Variants in L1TD1 observed in about 807,000 individuals in gnomAD.
L1TD1 encodes LINE-1 type transposase domain-containing protein 1.
Under a neutral mutation model 25.7 loss-of-function variants are expected in L1TD1, and 26 were observed. The ratio of observed to expected loss-of-function variants is 1.01; its 90% CI spans 0.74 to 1.40. L1TD1 has a LOEUF of 1.40. Ranked by LOEUF, L1TD1 falls within the 40% of genes most tolerant of loss-of-function variation. L1TD1 has a pLI of 0.00. For missense variants in L1TD1, 1,130 were observed against 975.0 expected (o/e 1.16, Z -2.12); for synonymous variants, 421 against 335.6 (o/e 1.25, Z -2.78).
In L1TD1 at chr1:62,212,017, G is replaced by C. The variant is rs929417360; in HGVS notation, c.*645G>C. On this transcript the variant is annotated 3_prime_UTR_variant, in exon 4 of 4. Coordinates refer to ENST00000498273, the MANE Select transcript of L1TD1 (RefSeq NM_019079.5). ...CTAAGAATAAACTTCTATACTGTTG[G>C]GGGAGGGCTGCACCTGTCAAGATAA... 16 of 152,330 alleles carry C rather than the reference G, an allele frequency of 1.1e-4. No homozygotes were observed. Among genetic ancestry groups the C allele is most frequent in the Admixed American group, 3.3e-4 (5 of 15,280 alleles). The allele number at this position is 152,330 out of a possible 1,614,324, so 9.4% of individuals were successfully genotyped here.
At position 62,211,307 on chromosome 1, in the gene L1TD1, G is replaced by GAAT; in HGVS notation, c.2534_2536dup (p.Glu845_Phe846insTer). On this transcript the variant is annotated stop_gained and inframe_insertion, in exon 4 of 4. Coordinates refer to ENST00000498273, the MANE Select transcript of L1TD1 (RefSeq NM_019079.5). LOFTEE classifies it low-confidence loss of function (END_TRUNC). The stretch of plus-strand genomic sequence containing the variant: ...AACAAAGGTATTTCTTAGTATTGAA[G>GAAT]AATTTAGAGATTATGTTTTGCATAT... 6.2e-7 allele frequency: 1 copy of GAAT among 1,613,418 alleles called. No homozygotes were observed. Among genetic ancestry groups the GAAT allele is most frequent in the Non-Finnish European group, 8.5e-7 (1 of 1,179,772 alleles).
rs1386246829 is a variant in L1TD1 at position 62,211,038 on chromosome 1, T to C, written c.2264T>C (p.Leu755Pro). ...RVPSKIDEKRLTPRHILVKFW... is the reference protein window; with the variant it reads ...RVPSKIDEKRPTPRHILVKFW... ...CCTAGTAAAATTGATGAAAAGAGAC[T>C]GACTCCTAGACACATCTTGGTGAAA... Residue 755 changes from leucine to proline, a missense_variant, in exon 4 of 4, where the codon CTG (leucine) becomes CCG (proline). Physicochemically the swap from Leu to Pro is moderately conservative, Grantham distance 98. Coordinates refer to ENST00000498273, the MANE Select transcript of L1TD1 (RefSeq NM_019079.5). 2 of 1,549,566 alleles carry C rather than the reference T, an allele frequency of 1.3e-6. No homozygotes were observed. The highest frequency in any genetic ancestry group is 1.7e-6 in the Non-Finnish European group (2 of 1,146,610).
chr1:62,205,735 ATAT>A (rs954400763), intron 2 of L1TD1, among the ~76,000 whole-genome samples: 2 of 151,508 alleles, frequency 1.3e-5, no homozygotes, highest in Non-Finnish European at 2.9e-5. Context: ...CTGCCTAACA[ATAT>A]TATTCTGTTG....
intron 2 of L1TD1, among the ~76,000 whole-genome samples, chr1:62,198,367 A>G (rs1471470303): frequency 2.6e-5 from 4 of 151,784 alleles, no homozygotes; most frequent in African/African-American, 9.7e-5. Context: ...ACGTTGTGAG[A>G]GATACCACAC....
intron 3 of L1TD1, among the ~76,000 whole-genome samples, 161 bp downstream of exon 3, chr1:62,207,797 C>T (rs372358179): frequency 6.6e-6 from 1 of 152,312 alleles, no homozygotes; most frequent in South Asian, 2.1e-4. Context: ...GCTACAACCT[C>T]TGCCTCCCAG....
intron 2 of L1TD1, among the ~76,000 whole-genome samples, chr1:62,205,810 C>A (rs1670734499): frequency 6.6e-6 from 1 of 152,064 alleles, no homozygotes; most frequent in Admixed American, 6.6e-5. Context: ...CAGCTCACTG[C>A]AGTCTTAACT....
chr1:62,204,541 CT>C (rs1411382928), intron 2 of L1TD1, among the ~76,000 whole-genome samples: 4 of 151,722 alleles, frequency 2.6e-5, no homozygotes, highest in Admixed American at 2.6e-4. Context: ...ATCCTTTTTC[CT>C]GATTCAATTT....
chr1:62,207,477 A>G lies in L1TD1; in HGVS notation c.849A>G (p.Ala283=), dbSNP rs1670774317. 1 of 1,551,364 alleles carries G rather than the reference A, an allele frequency of 6.4e-7. No homozygotes were observed. Among genetic ancestry groups the G allele is most frequent in the Non-Finnish European group, 8.7e-7 (1 of 1,146,866 alleles). The change falls in exon 3 of 4, where the codon GCA becomes GCG. Residue 283 remains alanine, a synonymous_variant. Transcript: ENST00000498273. ...AATTTCTGTGTGAAGTTAAATTAGC[A>G]TTTAAATGTGATGGTGAAATAAAGA... The part of the protein sequence containing the change: ...EPKFLCEVKL[A]FKCDGEIKTF...
At chr1:62,207,675 T>A in intron 3 of L1TD1, 39 bp downstream of exon 3, 1 of 1,462,040 alleles carries the variant, frequency 6.8e-7, no homozygotes, top group Non-Finnish European at 9.0e-7. Flanking sequence ...AGCTTATGTA[T>A]AAATGTAATA....
chr1:62,207,820 C>G (rs1420690749), intron 3 of L1TD1, among the ~76,000 whole-genome samples, 184 bp downstream of exon 3: 1 of 152,168 alleles, frequency 6.6e-6, no homozygotes, highest in Non-Finnish European at 1.5e-5. Flanking sequence ...TCAAGTGATT[C>G]TCCTGCCTTG....
rs1338621576 is a variant in L1TD1 at position 62,207,644 on chromosome 1, T to C, written c.1008+8T>C. On this transcript the variant is annotated splice_region_variant and intron_variant, in intron 3 of 3. Transcript: ENST00000498273. The stretch of plus-strand genomic sequence containing the variant: ...GGAATTCAAGAAAAAAGGGTAAGCA[T>C]ACAAATGTATAAATGTATAAAGCTT... 2 of 1,516,566 alleles carry C rather than the reference T, an allele frequency of 1.3e-6. No homozygotes were observed. Among genetic ancestry groups the C allele is most frequent in the Non-Finnish European group, 1.8e-6 (2 of 1,133,006 alleles). 93.9% of individuals were successfully genotyped at this position (1,516,566 alleles called of 1,614,324 possible).
chr1:62,207,335 T>C lies in L1TD1; in HGVS notation c.707T>C (p.Leu236Ser). The C allele has an allele frequency of 6.4e-7, 1 of 1,551,320 alleles. No homozygotes were observed. Among genetic ancestry groups the C allele is most frequent in the Non-Finnish European group, 8.7e-7 (1 of 1,146,844 alleles). Reference sequence around the variant, plus strand: ...AAAGCCTCCAGAGAAGAAAAAGTGTTGATGGATGAAGGAGCAGTACTTACC... The same window carrying C: ...AAAGCCTCCAGAGAAGAAAAAGTGTCGATGGATGAAGGAGCAGTACTTACC... Reference protein sequence around the residue: ...VLKASREEKVLMDEGAVLTLV... With the variant: ...VLKASREEKVSMDEGAVLTLV... The change falls in exon 3 of 4, where the codon TTG becomes TCG. Residue 236 changes from leucine to serine, a missense_variant. Transcript: ENST00000498273.
intron 2 of L1TD1, among the ~76,000 whole-genome samples, chr1:62,199,792 C>T (rs931003872): frequency 1.3e-5 from 2 of 152,100 alleles, no homozygotes; most frequent in Non-Finnish European, 2.9e-5. Flanking sequence ...AGGGCACTGG[C>T]CAGATTAATT....
At chr1:62,195,927 C>G (rs888685318) in intron 1 of L1TD1, among the ~76,000 whole-genome samples, 5 of 151,776 alleles carry the variant, frequency 3.3e-5, no homozygotes, top group Admixed American at 3.3e-4. Context: ...GTCCCAGCTA[C>G]TAGGGAGGCC....
At position 62,196,496 on chromosome 1, in the gene L1TD1, A is replaced by G. The variant is rs1670542669; in HGVS notation, c.-143A>G. 1 of 152,070 alleles carries G rather than the reference A, an allele frequency of 6.6e-6. No homozygotes were observed. Among genetic ancestry groups the G allele is most frequent in the Non-Finnish European group, 1.5e-5 (1 of 68,020 alleles). The allele number at this position is 152,070 out of a possible 1,614,324, so 9.4% of individuals were successfully genotyped here. On this transcript the variant is annotated 5_prime_UTR_variant, in exon 2 of 4. Transcript: ENST00000498273. The stretch of plus-strand genomic sequence containing the variant: ...CTCTGCGGAGTTCGTCTTCCCAGCG[A>G]AGGTACAGAGGCGGATGAACTGCTG...
chr1:62,210,420 CCT>C lies in L1TD1; in HGVS notation c.1647_1648del (p.Cys550SerfsTer17). 1 of 1,614,032 alleles carries C rather than the reference CCT, an allele frequency of 6.2e-7. No homozygotes were observed. The highest frequency in any genetic ancestry group is 1.7e-5 in the Admixed American group (1 of 59,996). On this transcript the variant is annotated frameshift_variant, in exon 4 of 4. Coordinates refer to ENST00000498273, the MANE Select transcript of L1TD1 (RefSeq NM_019079.5). LOFTEE classifies it low-confidence loss of function (END_TRUNC). The stretch of plus-strand genomic sequence containing the variant: ...CCCACAAGTCAAGGAACTGGCACAC[CCT>C]GTCTGACCTTATGTTTGGCCTCTCC...
At chr1:62,205,371 CTTTCTCTCTCTCTCTCTT>C (rs1670715837) in intron 2 of L1TD1, among the ~76,000 whole-genome samples, 2 of 97,044 alleles carry the variant, frequency 2.1e-5, no homozygotes, top group African/African-American at 7.5e-5. Context: ...CGAAAACTCT[CTTTCTCTCTCTCTCTCTT>C]TCTCTCTCTC....
chr1:62,210,155 A>T lies in L1TD1; in HGVS notation c.1381A>T (p.Thr461Ser). Residue 461 changes from threonine to serine, a missense_variant, in exon 4 of 4, where the codon ACC becomes TCC. Thr to Ser is a moderately conservative substitution (Grantham distance 58). Transcript: ENST00000498273. The part of the protein sequence containing the change: ...LVDAKHEVEI[T>S]SDGMETTFID... Reference sequence around the variant, plus strand: ...AGATGCAAAGCATGAAGTTGAGATAACCAGTGATGGCATGGAAACTACTTT... The same window carrying T: ...AGATGCAAAGCATGAAGTTGAGATATCCAGTGATGGCATGGAAACTACTTT... 2 of 1,614,124 alleles carry T rather than the reference A, an allele frequency of 1.2e-6. No individual in the cohort carries two copies. Among genetic ancestry groups the T allele is most frequent in the Non-Finnish European group, 1.7e-6 (2 of 1,180,032 alleles).
rs1004284742 is a variant in L1TD1 at position 62,210,142 on chromosome 1, T to A, written c.1368T>A (p.His456Gln). ...FQGHTLVDAK[H>Q]EVEITSDGME... ...GTCATACTTTGGTAGATGCAAAGCA[T>A]GAAGTTGAGATAACCAGTGATGGCA... The change falls in exon 4 of 4, where the codon CAT becomes CAA. Residue 456 changes from histidine (H) to glutamine (Q), a missense_variant. By Grantham distance (24) the His-to-Gln change is conservative. Coordinates refer to ENST00000498273, the MANE Select transcript of L1TD1 (RefSeq NM_019079.5). 2 of 1,613,858 alleles carry A rather than the reference T, an allele frequency of 1.2e-6. No individual in the cohort carries two copies. Among genetic ancestry groups the A allele is most frequent in the Non-Finnish European group, 1.7e-6 (2 of 1,180,014 alleles).
Sources: gnomAD v4.1 joint callset for allele counts (sites outside exome capture counted in the v4.1 genomes callset) on GRCh38, gnomAD v4.1.1 for gene constraint, MANE v1.5 for transcripts, NCBI Gene and HGNC (gene_info 2026-07-23, HGNC 2026-07-21) for gene names.